EPB41L5: variants seen among roughly 807,000 people sequenced by gnomAD.
The protein encoded by EPB41L5 is band 4.1-like protein 5.
Under a neutral mutation model 106.6 loss-of-function variants are expected in EPB41L5, and 55 were observed. That is an observed-to-expected ratio of 0.52 (90% CI 0.42 to 0.65). EPB41L5 has a LOEUF of 0.65. Ranked by LOEUF, EPB41L5 falls within the 30% of genes least tolerant of loss-of-function variation. The probability of loss-of-function intolerance (pLI) is 0.00; values close to 1 mark genes in which losing one functional copy is unlikely to be tolerated. For missense variants in EPB41L5, 871 were observed against 882.1 expected, an observed-to-expected ratio of 0.99 and a Z score of 0.16; for synonymous variants, 297 against 306.7, an observed-to-expected ratio of 0.97 and a Z score of 0.33.
At chr2:120,081,033 C>A (rs190160731) in intron 10 of EPB41L5, among the ~76,000 whole-genome samples, 7,379 of 152,104 alleles carry the variant, frequency 0.049, 209 homozygotes, top group African/African-American at 0.066. Flanking sequence ...GGGTAGATTG[C>A]AAAACTTTTC....
chr2:120,103,960 G>A, intron 16 of EPB41L5: 1 of 1,352,710 alleles, frequency 7.4e-7, no homozygotes, highest in Non-Finnish European at 9.7e-7. Flanking sequence ...AGCAGTGCAT[G>A]CTAGTCACAT....
chr2:120,100,750 C>T lies in EPB41L5; in HGVS notation c.1273C>T (p.Pro425Ser), dbSNP rs145506904. The change falls in exon 16 of 25, where the codon CCT (proline) becomes TCT (serine). Residue 425 changes from proline (P) to serine (S), a missense_variant. Physicochemically the swap from Pro to Ser is moderately conservative, Grantham distance 74 (BLOSUM62 -1). Coordinates refer to ENST00000263713, the MANE Select transcript of EPB41L5 (RefSeq NM_020909.4). ...TGTGAGTCCTTCCATTTCCTCTGCT[C>T]CTGTGCCAGTGGAGATAGAGAATCT... ...LPVSPSISSA[P>S]VPVEIENLPQ... 5.6e-6 allele frequency: 9 copies of T among 1,613,692 alleles called. No individual in the cohort carries two copies. Among genetic ancestry groups the T allele is most frequent in the African/African-American group, 2.7e-5 (2 of 74,896 alleles).
chr2:120,157,113 T>G (rs1017783380), intron 20 of EPB41L5, among the ~76,000 whole-genome samples: 1 of 152,108 alleles, frequency 6.6e-6, no homozygotes, highest in Non-Finnish European at 1.5e-5. Context: ...ACAATCAAAT[T>G]AGAAATCAAA....
chr2:120,077,587 A>C (rs933485769), intron 9 of EPB41L5, among the ~76,000 whole-genome samples: 1 of 152,096 alleles, frequency 6.6e-6, no homozygotes, highest in African/African-American at 2.4e-5. Flanking sequence ...TTTTTTTGCT[A>C]TAAAAAATTG....
chr2:120,096,782 T>C (rs563646971), intron 14 of EPB41L5, among the ~76,000 whole-genome samples: 1 of 152,274 alleles, frequency 6.6e-6, no homozygotes, highest in East Asian at 1.9e-4. Flanking sequence ...AGAGCAAGAC[T>C]CCATCTCAAA....
At chr2:120,051,982 G>A (rs757332471) in intron 3 of EPB41L5, among the ~76,000 whole-genome samples, 1 of 152,000 alleles carries the variant, frequency 6.6e-6, no homozygotes. Flanking sequence ...GCACACCACC[G>A]TGCCTGGCTA....
chr2:120,048,852 T>G (rs1292649197), intron 3 of EPB41L5, among the ~76,000 whole-genome samples: 1 of 152,218 alleles, frequency 6.6e-6, no homozygotes, highest in Non-Finnish European at 1.5e-5. Flanking sequence ...TCCCAGAGAT[T>G]CTGGTATGTT....
chr2:120,140,020 T>C (rs1686103885), intron 18 of EPB41L5, among the ~76,000 whole-genome samples: 1 of 152,008 alleles, frequency 6.6e-6, no homozygotes, highest in African/African-American at 2.4e-5. Context: ...TGCAACAACA[T>C]GGATGGAACT....
At chr2:120,020,018 G>C (rs557110486) in intron 2 of EPB41L5, among the ~76,000 whole-genome samples, 2 of 152,128 alleles carry the variant, frequency 1.3e-5, no homozygotes, top group Non-Finnish European at 2.9e-5. Flanking sequence ...TGGAGGAGGG[G>C]AAGAAAAGGT....
intron 1 of EPB41L5, chr2:120,013,447 C>T (rs1251284852): frequency 6.6e-6 from 1 of 152,068 alleles, no homozygotes; most frequent in Non-Finnish European, 1.5e-5. Context: ...CGGTCGATAC[C>T]GCGCGACGGG....
At chr2:120,060,577 G>C (rs1446644675) in intron 3 of EPB41L5, among the ~76,000 whole-genome samples, 1 of 152,194 alleles carries the variant, frequency 6.6e-6, no homozygotes, top group Non-Finnish European at 1.5e-5. Context: ...TATAGAGATT[G>C]AGATCAAATT....
intron 9 of EPB41L5, among the ~76,000 whole-genome samples, chr2:120,077,619 G>C (rs1360363319): frequency 6.6e-6 from 1 of 152,008 alleles, no homozygotes; most frequent in Non-Finnish European, 1.5e-5. Context: ...TGAGCCATTT[G>C]TTATCCTTTT....
At chr2:120,018,257 G>A (rs1677679940) in intron 1 of EPB41L5, among the ~76,000 whole-genome samples, 1 of 151,866 alleles carries the variant, frequency 6.6e-6, no homozygotes, top group Non-Finnish European at 1.5e-5. Flanking sequence ...GTGAGCCACC[G>A]CGCCCGGCCA....
chr2:120,172,306 C>A (rs907310151), intron 24 of EPB41L5, among the ~76,000 whole-genome samples: 4 of 152,084 alleles, frequency 2.6e-5, no homozygotes, highest in African/African-American at 9.7e-5. Context: ...GTTGAGTACC[C>A]AGCACAGAGA....
chr2:120,072,362 AC>A (rs2105315952), intron 3 of EPB41L5, among the ~76,000 whole-genome samples: 1 of 152,328 alleles, frequency 6.6e-6, no homozygotes, highest in East Asian at 1.9e-4. Flanking sequence ...ATTGTGGAAG[AC>A]AGTGTGGTGA....
intron 11 of EPB41L5, 47 bp from the exon 12 acceptor site, chr2:120,090,300 C>A: frequency 6.8e-7 from 1 of 1,462,804 alleles, no homozygotes; most frequent in Non-Finnish European, 9.3e-7. Context: ...GGAGATAGGA[C>A]TGTTTGAATT....
intron 3 of EPB41L5, among the ~76,000 whole-genome samples, chr2:120,067,556 A>C (rs892877438): frequency 1.6e-4 from 25 of 152,334 alleles, no homozygotes; most frequent in African/African-American, 5.8e-4. Flanking sequence ...TATCAGTGGA[A>C]ATATCTGGAA....
chr2:120,085,253 T>G (rs1682978181), intron 10 of EPB41L5, among the ~76,000 whole-genome samples: 1 of 152,222 alleles, frequency 6.6e-6, no homozygotes, highest in Middle Eastern at 3.2e-3. Context: ...CTTTGTGGTT[T>G]TATCTACCTT....
intron 3 of EPB41L5, among the ~76,000 whole-genome samples, chr2:120,049,613 A>G (rs1300395352): frequency 1.3e-5 from 2 of 151,942 alleles, no homozygotes; most frequent in African/African-American, 2.4e-5. Flanking sequence ...TCTTGACTCT[A>G]TCCAATTTGC....
Sources: allele counts gnomAD v4.1 joint callset (sites outside exome capture counted in the v4.1 genomes callset), GRCh38; gene constraint gnomAD v4.1.1; transcripts MANE v1.5; gene names NCBI Gene and HGNC (gene_info 2026-07-23, HGNC 2026-07-21).